The following SRGAP2B variants were observed in gnomAD, a reference collection of about 807,000 sequenced individuals.
The protein encoded by SRGAP2B is SLIT-ROBO Rho GTPase-activating protein 2B.
SRGAP2B carries 9 observed loss-of-function variants against 22.2 expected under a neutral mutation model. The observed-to-expected ratio is 0.41, with a 90% CI of 0.24 to 0.71. The LOEUF is 0.71. SRGAP2B is among the 30% of genes least tolerant of loss of function. The probability of loss-of-function intolerance (pLI) is 0.35; values close to 1 mark genes in which losing one functional copy is unlikely to be tolerated. For synonymous variants in SRGAP2B, 36 were observed against 87.4 expected (o/e 0.41, Z 3.28); for missense variants, 114 against 235.8 (o/e 0.48, Z 3.38).
intron 7 of SRGAP2B, among the ~76,000 whole-genome samples, chr1:144,902,918 G>A (rs1315946585): frequency 2.9e-4 from 16 of 54,522 alleles, no homozygotes; most frequent in Non-Finnish European, 6.7e-5. Context: ...CTTAGCAGAC[G>A]TTTTTTTTTT....
chr1:144,921,269 C>CAAA (rs3975927), intron 4 of SRGAP2B, among the ~76,000 whole-genome samples: 14 of 62,314 alleles, frequency 2.2e-4, no homozygotes, highest in Admixed American at 7.2e-4. Context: ...TCTAGCTTGC[C>CAAA]AAAAAAAAAA....
At chr1:144,955,126 C>A (rs1667160981) in intron 4 of SRGAP2B, among the ~76,000 whole-genome samples, 1 of 150,524 alleles carries the variant, frequency 6.6e-6, no homozygotes, top group South Asian at 2.1e-4. Flanking sequence ...ACTATTAATT[C>A]AGCTCAGAAA....
rs587693418 is a variant in SRGAP2B at position 144,993,639 on chromosome 1, G to A, written c.260+1369C>T. On this transcript the variant is annotated intron_variant, in intron 3 of 9. Coordinates refer to ENST00000612199, the Ensembl canonical transcript of SRGAP2B. Reference sequence around the variant, plus strand: ...AGGCAGGAGGATCACTAGAGCCCAAGAGTTTGAGGCTGCAGGGAGCCAAGA... The same window carrying A: ...AGGCAGGAGGATCACTAGAGCCCAAAAGTTTGAGGCTGCAGGGAGCCAAGA... Among the ~76,000 whole-genome samples the A allele has an allele frequency of 1.2e-3, 183 of 149,248 alleles. 10 individuals carry two copies. The highest frequency in any genetic ancestry group is 4.5e-3 in the African/African-American group (175 of 39,314).
intron 2 of SRGAP2B, among the ~76,000 whole-genome samples, chr1:145,085,038 A>G (rs1553635269): frequency 6.6e-6 from 1 of 150,580 alleles, no homozygotes; most frequent in African/African-American, 2.5e-5. Flanking sequence ...TGCCTCTTGG[A>G]TTCAAGCGAT....
chr1:145,001,887 T>TG (rs1454349855), intron 2 of SRGAP2B, among the ~76,000 whole-genome samples: 1 of 148,334 alleles, frequency 6.7e-6, no homozygotes, highest in Admixed American at 6.7e-5. Context: ...GCTGGGGGGG[T>TG]GGTGCATGCC....
chr1:144,982,068 G>C (rs1387972487), intron 3 of SRGAP2B, among the ~76,000 whole-genome samples: 2,281 of 124,014 alleles, frequency 0.018, no homozygotes, highest in African/African-American at 0.068. Context: ...GAAGAAAATG[G>C]AAACTGACAT....
intron 2 of SRGAP2B, among the ~76,000 whole-genome samples, chr1:145,022,415 C>G (rs1446953868): frequency 8.6e-6 from 1 of 116,220 alleles, no homozygotes; most frequent in East Asian, 2.6e-4. Context: ...TTTCTCACAT[C>G]TAAGGCTCTC....
At chr1:144,922,999 T>C (rs1486420950) in intron 4 of SRGAP2B, among the ~76,000 whole-genome samples, 2 of 151,224 alleles carry the variant, frequency 1.3e-5, no homozygotes, top group African/African-American at 4.9e-5. Context: ...GAATGCTCAC[T>C]AACAAAGCTC....
chr1:144,910,395 T>G (rs1466775528), intron 5 of SRGAP2B, among the ~76,000 whole-genome samples: 2 of 142,608 alleles, frequency 1.4e-5, no homozygotes, highest in Admixed American at 7.0e-5. Context: ...GTCTCCCTAG[T>G]GCCTAGTGCC....
At chr1:144,961,347 T>C (rs1167937640) in intron 3 of SRGAP2B, among the ~76,000 whole-genome samples, 6 of 151,918 alleles carry the variant, frequency 3.9e-5, no homozygotes, top group South Asian at 2.1e-4. Context: ...CAGCAACTTA[T>C]ACTAAGCTCC....
chr1:145,002,735 T>A (rs1465828446), intron 2 of SRGAP2B, among the ~76,000 whole-genome samples: 3 of 148,240 alleles, frequency 2.0e-5, no homozygotes, highest in Non-Finnish European at 4.4e-5. Flanking sequence ...AAATATACAT[T>A]TCAAAATTTC....
At chr1:145,031,729 C>T (rs1405641161) in intron 2 of SRGAP2B, among the ~76,000 whole-genome samples, 10 of 145,090 alleles carry the variant, frequency 6.9e-5, no homozygotes, top group Non-Finnish European at 1.2e-4. Context: ...CGCCTGTAGT[C>T]CCAGCTACTT....
At chr1:145,038,420 C>T (rs1459031665) in intron 2 of SRGAP2B, among the ~76,000 whole-genome samples, 1 of 132,964 alleles carries the variant, frequency 7.5e-6, no homozygotes, top group Non-Finnish European at 1.5e-5. Context: ...AAATAATACT[C>T]GTCAACATAT....
Position 144,995,204 on chromosome 1 carries a change from C to T in SRGAP2B, c.68-4G>A. ...TCTGTGAGCTGAGCACGGATCTCTA[C>T]AACAAAAACAAGAGAAGACAGTCAG... is the stretch of plus-strand genomic sequence containing the variant. On this transcript the variant is annotated splice_region_variant and splice_polypyrimidine_tract_variant and intron_variant, in intron 2 of 9. Transcript: ENST00000612199. 1 of 716,124 alleles carries T rather than the reference C, an allele frequency of 1.4e-6. No individual in the cohort carries two copies. The highest frequency in any genetic ancestry group is 2.1e-6 in the Non-Finnish European group (1 of 475,176). The allele number at this position is 716,124 out of a possible 1,614,324, so 44.4% of individuals were successfully genotyped here.
chr1:145,093,983 G>A (rs1654217475), intron 1 of SRGAP2B, among the ~76,000 whole-genome samples: 1 of 148,780 alleles, frequency 6.7e-6, no homozygotes, highest in Admixed American at 6.6e-5. Context: ...GCAGGAAAAA[G>A]CCTGCTCGGC....
intron 3 of SRGAP2B, among the ~76,000 whole-genome samples, chr1:144,966,548 T>G (rs1262079368): frequency 6.8e-6 from 1 of 146,720 alleles, no homozygotes; most frequent in Non-Finnish European, 1.5e-5. Context: ...TGCCCAATTG[T>G]AAACACCATC....
At chr1:144,991,082 G>A (rs1208793741) in intron 3 of SRGAP2B, among the ~76,000 whole-genome samples, 23 of 151,100 alleles carry the variant, frequency 1.5e-4, no homozygotes, top group Non-Finnish European at 2.2e-4. Context: ...GCCCCGGTGC[G>A]GGATCCACTA....
intron 3 of SRGAP2B, among the ~76,000 whole-genome samples, chr1:144,991,101 C>T (rs1453875252): frequency 2.6e-5 from 4 of 151,146 alleles, no homozygotes; most frequent in Non-Finnish European, 5.9e-5. Context: ...TAGATGAAGC[C>T]AACTGGGCTC....
At chr1:144,920,265 TTTTC>T (rs1437404205) in intron 4 of SRGAP2B, among the ~76,000 whole-genome samples, 2 of 150,788 alleles carry the variant, frequency 1.3e-5, no homozygotes, top group Non-Finnish European at 2.9e-5. Context: ...TCTTTTTTTC[TTTTC>T]TTTCTTTCTT....
Sources: gnomAD v4.1 joint callset for allele counts (sites outside exome capture counted in the v4.1 genomes callset) on GRCh38, gnomAD v4.1.1 for gene constraint, MANE v1.5 for transcripts, NCBI Gene and HGNC (gene_info 2026-07-23, HGNC 2026-07-21) for gene names.